The following CACNA1C variants were observed in gnomAD, a reference collection of about 807,000 sequenced individuals.
The protein encoded by CACNA1C is calcium voltage-gated channel subunit alpha1 C.
Under a neutral mutation model 229.0 loss-of-function variants are expected in CACNA1C, and 30 were observed. The ratio of observed to expected loss-of-function variants is 0.13; its 90% CI spans 0.10 to 0.18. CACNA1C has a LOEUF of 0.18. Ranked by LOEUF, CACNA1C falls within the 10% of genes least tolerant of loss-of-function variation. The pLI is 1.00. For missense variants in CACNA1C, 1,658 were observed against 2,845.0 expected, an observed-to-expected ratio of 0.58 and a Z score of 9.49; for synonymous variants, 1,114 against 1,132.5, an observed-to-expected ratio of 0.98 and a Z score of 0.33.
intron 3 of CACNA1C, among the ~76,000 whole-genome samples, chr12:2,326,084 C>T (rs895482857): frequency 2.0e-5 from 3 of 152,040 alleles, no homozygotes; most frequent in Non-Finnish European, 4.4e-5. Flanking sequence ...TCAGGGGGAG[C>T]GTTTTTGTTC....
At chr12:2,333,439 G>T (rs1387980933) in intron 3 of CACNA1C, among the ~76,000 whole-genome samples, 1 of 152,156 alleles carries the variant, frequency 6.6e-6, no homozygotes, top group East Asian at 1.9e-4. Flanking sequence ...TCTCTGTTGT[G>T]ATTTCCTCAA....
In CACNA1C at chr12:2,348,536, C is replaced by T. The variant is rs118002522; in HGVS notation, c.478-100440C>T. Reference sequence around the variant, plus strand: ...GTCTCCCCGAGGGAATGGGCTCATACGCCGGGTGGGCAAGGATTTCAAGTC... The same window carrying T: ...GTCTCCCCGAGGGAATGGGCTCATATGCCGGGTGGGCAAGGATTTCAAGTC... On this transcript the variant is annotated intron_variant, in intron 3 of 46. Coordinates refer to ENST00000399655, the MANE Select transcript of CACNA1C (RefSeq NM_000719.7). The surrounding 1 kb of genome is among the most constrained non-coding windows in gnomAD (Gnocchi z 4.7). Among the ~76,000 whole-genome samples the T allele has an allele frequency of 7.9e-4, 120 of 152,296 alleles. 1 individual carries two copies. The East Asian group carries it at 0.019, about 24-fold the overall frequency.
rs981256633 is a variant in CACNA1C, at chr12:2,633,835, A to C, written c.3829-462A>C. The C allele has an allele frequency of 1.7e-4, 103 of 606,584 alleles. No individual in the cohort carries two copies. The highest frequency in any genetic ancestry group is 1.8e-4 in the East Asian group (6 of 32,710). The allele number at this position is 606,584 out of a possible 1,614,324, so 37.6% of individuals were successfully genotyped here. A position where few individuals can be genotyped will look rare whatever the true frequency, so the allele number is the denominator to read the frequency against. Reference sequence around the variant, plus strand: ...ATGTTTTTTTTAATTTCCTGTTTTTACCCGCCTCCAGTCATGCCTTTTATT... The same window carrying C: ...ATGTTTTTTTTAATTTCCTGTTTTTCCCCGCCTCCAGTCATGCCTTTTATT... On this transcript the variant is annotated intron_variant, in intron 29 of 46. Transcript: ENST00000399655. This position sits in a 1 kb window ranked among gnomAD's most constrained non-coding sequence, Gnocchi z 5.8.
chr12:2,365,598 CTT>C (rs2097699935), intron 3 of CACNA1C, among the ~76,000 whole-genome samples: 1 of 152,192 alleles, frequency 6.6e-6, no homozygotes, highest in African/African-American at 2.4e-5. Flanking sequence ...AAAATAGAAA[CTT>C]AACGAATTTG....
At chr12:2,281,495 G>A (rs1396143483) in intron 3 of CACNA1C, among the ~76,000 whole-genome samples, 1 of 152,134 alleles carries the variant, frequency 6.6e-6, no homozygotes, top group African/African-American at 2.4e-5. Context: ...GCTTTTCTAT[G>A]TCTGAAGAGA....
At chr12:2,326,696 T>A (rs1449527250) in intron 3 of CACNA1C, among the ~76,000 whole-genome samples, 1 of 152,202 alleles carries the variant, frequency 6.6e-6, no homozygotes, top group African/African-American at 2.4e-5. Context: ...CAGCCTGTAT[T>A]TCACCCTGTT....
chr12:2,473,001 C>A (rs2099601154), intron 5 of CACNA1C, among the ~76,000 whole-genome samples: 1 of 152,202 alleles, frequency 6.6e-6, no homozygotes, highest in Non-Finnish European at 1.5e-5. Flanking sequence ...GAGTGGGTCT[C>A]ACTGTAGACA....
chr12:2,328,094 G>C (rs949039958), intron 3 of CACNA1C, among the ~76,000 whole-genome samples: 3 of 152,214 alleles, frequency 2.0e-5, no homozygotes, highest in Non-Finnish European at 4.4e-5. Context: ...AGTTTCATTA[G>C]ATCTGTCAAA....
At chr12:2,234,343 T>G (rs749835217) in intron 3 of CACNA1C, among the ~76,000 whole-genome samples, 1 of 152,212 alleles carries the variant, frequency 6.6e-6, no homozygotes, top group South Asian at 2.1e-4. Context: ...GCTGACCGAT[T>G]GCCTGTTCTT....
intron 1 of CACNA1C, among the ~76,000 whole-genome samples, chr12:2,024,448 G>C (rs1204703333): frequency 6.6e-6 from 1 of 152,146 alleles, no homozygotes; most frequent in African/African-American, 2.4e-5. Flanking sequence ...AGACTCCCAG[G>C]CCCCTTCTGT....
At chr12:2,484,984 A>G (rs1197435310) in intron 5 of CACNA1C, among the ~76,000 whole-genome samples, 1 of 150,848 alleles carries the variant, frequency 6.6e-6, no homozygotes, top group African/African-American at 2.4e-5. Flanking sequence ...CGAGAATCAC[A>G]TCACCAGAAT....
At chr12:2,231,656 A>G (rs567193810) in intron 3 of CACNA1C, among the ~76,000 whole-genome samples, 1 of 152,258 alleles carries the variant, frequency 6.6e-6, no homozygotes, top group Admixed American at 6.5e-5. Flanking sequence ...CTATTTTGCA[A>G]GCAGCGCCCG....
At chr12:1,988,293 T>C (rs2038375510) in intron 1 of CACNA1C, among the ~76,000 whole-genome samples, 2 of 152,224 alleles carry the variant, frequency 1.3e-5, no homozygotes, top group South Asian at 4.1e-4. Flanking sequence ...GCCTGGAATA[T>C]TGCTGGTCAT....
rs559523085 is a variant in CACNA1C, at chr12:2,482,388, C to G, written c.758-3716C>G. On this transcript the variant is annotated intron_variant, in intron 5 of 46. Transcript: ENST00000399655. Reference sequence around the variant, plus strand: ...AGTCGTGAAGCCATGGGCTAGGAGCCAGACCACCTGGCACTGAGCCCTGTG... The same window carrying G: ...AGTCGTGAAGCCATGGGCTAGGAGCGAGACCACCTGGCACTGAGCCCTGTG... Among the ~76,000 whole-genome samples the G allele has an allele frequency of 2.9e-3, 435 of 152,338 alleles. 2 individuals are homozygous for G. The highest frequency in any genetic ancestry group is 0.01 in the African/African-American group (420 of 41,580).
At chr12:2,239,712 G>A (rs2069030064) in intron 3 of CACNA1C, among the ~76,000 whole-genome samples, 1 of 152,210 alleles carries the variant, frequency 6.6e-6, no homozygotes, top group Non-Finnish European at 1.5e-5. Flanking sequence ...GCCTGCTCCA[G>A]TGGCTCTCTC....
chr12:2,360,982 G>A (rs1343951284), intron 3 of CACNA1C, among the ~76,000 whole-genome samples: 1 of 152,074 alleles, frequency 6.6e-6, no homozygotes, highest in Non-Finnish European at 1.5e-5. Flanking sequence ...TGGTCCCTTG[G>A]TGGCAGCATA....
chr12:2,616,950 C>T (rs188693970), intron 29 of CACNA1C, among the ~76,000 whole-genome samples: 98 of 152,370 alleles, frequency 6.4e-4, no homozygotes, highest in African/African-American at 2.1e-3. Flanking sequence ...CTCCTGTCTG[C>T]CACCACACAC....
At chr12:2,135,511 G>T (rs1358836018) in intron 3 of CACNA1C, among the ~76,000 whole-genome samples, 1 of 132,640 alleles carries the variant, frequency 7.5e-6, no homozygotes, top group Non-Finnish European at 1.5e-5. Context: ...CTGTTTGTTA[G>T]TTTTCCTTCT....
chr12:2,150,343 G>A (rs1440429048), intron 3 of CACNA1C, among the ~76,000 whole-genome samples: 2 of 152,164 alleles, frequency 1.3e-5, no homozygotes. Context: ...AACTCAAGAG[G>A]AGTGAATGTC....
Sources: allele counts gnomAD v4.1 joint callset (sites outside exome capture counted in the v4.1 genomes callset), GRCh38; gene constraint gnomAD v4.1.1; non-coding constraint Gnocchi (gnomAD v3.1); transcripts MANE v1.5; gene names NCBI Gene and HGNC (gene_info 2026-07-23, HGNC 2026-07-21).